Variants in EYS observed in about 807,000 individuals in gnomAD.
The protein encoded by EYS is protein eyes shut homolog.
A neutral mutation model predicts 282.1 loss-of-function variants in EYS; 250 were observed. The ratio of observed to expected loss-of-function variants is 0.89; its 90% CI spans 0.80 to 0.98. EYS has a LOEUF of 0.98. Among genes scored for constraint, EYS ranks in the 50% least tolerant of loss-of-function variants. EYS has a pLI of 0.00. For synonymous variants in EYS, 1,355 were observed against 1,282.9 expected, an observed-to-expected ratio of 1.06 and a Z score of -1.20; for missense variants, 4,016 against 3,709.0, an observed-to-expected ratio of 1.08 and a Z score of -2.15.
chr6:64,200,177 G>A (rs1486014474), intron 31 of EYS, among the ~76,000 whole-genome samples: 1 of 152,120 alleles, frequency 6.6e-6, no homozygotes, highest in Non-Finnish European at 1.5e-5. Flanking sequence ...GGCTTACAGG[G>A]AAATGGGAAG....
intron 22 of EYS, among the ~76,000 whole-genome samples, chr6:64,770,980 A>G (rs1773507588): frequency 6.6e-6 from 1 of 151,842 alleles, no homozygotes; most frequent in Non-Finnish European, 1.5e-5. Flanking sequence ...GCCAAATACA[A>G]TTGTTTTAAC....
chr6:64,293,848 T>A (rs964257100), intron 30 of EYS, among the ~76,000 whole-genome samples: 3 of 152,142 alleles, frequency 2.0e-5, no homozygotes, highest in African/African-American at 7.2e-5. Context: ...TTAGATTACA[T>A]GTGAGTGCTT....
chr6:64,869,683 C>G (rs557517503), intron 19 of EYS, among the ~76,000 whole-genome samples: 28 of 151,516 alleles, frequency 1.8e-4, no homozygotes, highest in African/African-American at 6.5e-4. Context: ...AGCAGCAGCT[C>G]GTGAACTTGC....
chr6:64,408,519 C>T (rs1773792861), intron 28 of EYS, among the ~76,000 whole-genome samples: 1 of 152,144 alleles, frequency 6.6e-6, no homozygotes, highest in South Asian at 2.1e-4. Flanking sequence ...GATTCCAAGA[C>T]TTGAGCCCCA....
intron 39 of EYS, among the ~76,000 whole-genome samples, chr6:63,783,464 T>A (rs10944026): frequency 0.25 from 38,050 of 152,158 alleles, 5,041 homozygotes; most frequent in Admixed American, 0.34. Flanking sequence ...GTCACAAGCA[T>A]GTATTATGTG....
At chr6:64,805,071 T>C (rs1377976751) in intron 22 of EYS, among the ~76,000 whole-genome samples, 2 of 152,162 alleles carry the variant, frequency 1.3e-5, no homozygotes, top group Admixed American at 1.3e-4. Flanking sequence ...CTTTTTAAAA[T>C]TTTAATCTTA....
At chr6:64,211,647 T>A (rs1194731909) in intron 31 of EYS, among the ~76,000 whole-genome samples, 1 of 146,844 alleles carries the variant, frequency 6.8e-6, no homozygotes, top group Non-Finnish European at 1.5e-5. Context: ...AAAATTTAAT[T>A]TTGCTAAAAT....
intron 26 of EYS, among the ~76,000 whole-genome samples, chr6:64,450,241 A>G (rs1233561333): frequency 1.3e-5 from 2 of 152,170 alleles, no homozygotes; most frequent in Non-Finnish European, 2.9e-5. Context: ...TAAACCAACA[A>G]AGATCAAAAG....
intron 19 of EYS, among the ~76,000 whole-genome samples, chr6:64,873,436 A>T (rs1448447941): frequency 6.6e-6 from 1 of 152,056 alleles, no homozygotes; most frequent in African/African-American, 2.4e-5. Context: ...CAGAGGAAAG[A>T]ATCCTTTCAA....
intron 12 of EYS, among the ~76,000 whole-genome samples, chr6:65,153,342 A>C (rs1248732003): frequency 3.4e-5 from 5 of 147,986 alleles, no homozygotes; most frequent in African/African-American, 1.3e-4. Context: ...CTTCTTACCC[A>C]CAGAAATTCA....
At chr6:65,221,816 C>A (rs1194069524) in intron 12 of EYS, among the ~76,000 whole-genome samples, 1 of 152,156 alleles carries the variant, frequency 6.6e-6, no homozygotes, top group Non-Finnish European at 1.5e-5. Flanking sequence ...GGGGGCTGTA[C>A]CCTGCAAAGC....
At chr6:64,181,347 A>C (rs1220053042) in intron 31 of EYS, among the ~76,000 whole-genome samples, 1 of 152,130 alleles carries the variant, frequency 6.6e-6, no homozygotes, top group Non-Finnish European at 1.5e-5. Context: ...TACACTATTT[A>C]ATAAAAATAA....
intron 31 of EYS, among the ~76,000 whole-genome samples, chr6:64,110,201 A>G (rs1236842701): frequency 1.3e-5 from 2 of 151,714 alleles, no homozygotes; most frequent in Non-Finnish European, 2.9e-5. Context: ...CATGGAGGAA[A>G]TTTAAAGGCT....
At chr6:64,339,421 ACT>A (rs1771002632) in intron 29 of EYS, among the ~76,000 whole-genome samples, 1 of 151,974 alleles carries the variant, frequency 6.6e-6, no homozygotes. Context: ...TTAAAACCAC[ACT>A]GTGTTATCAC....
At chr6:64,826,052 C>T (rs1765047506) in intron 19 of EYS, among the ~76,000 whole-genome samples, 1 of 151,794 alleles carries the variant, frequency 6.6e-6, no homozygotes, top group Admixed American at 6.6e-5. Flanking sequence ...TGGCTAAAGT[C>T]TCAGTCTCAG....
intron 29 of EYS, among the ~76,000 whole-genome samples, chr6:64,344,153 T>C (rs566998885): frequency 1.1e-3 from 171 of 152,268 alleles, no homozygotes; most frequent in Non-Finnish European, 2.0e-3. Context: ...TAGCATTCCT[T>C]CTGAAACTAT....
chr6:64,962,350 T>A (rs878954708), intron 14 of EYS, among the ~76,000 whole-genome samples: 8 of 152,274 alleles, frequency 5.3e-5, no homozygotes, highest in Middle Eastern at 3.4e-3. Flanking sequence ...ATCTAATTTA[T>A]CTATGTATCT....
At chr6:63,913,881 G>T (rs571774901) in intron 35 of EYS, among the ~76,000 whole-genome samples, 1 of 152,102 alleles carries the variant, frequency 6.6e-6, no homozygotes, top group African/African-American at 2.4e-5. Context: ...CCTACATCAA[G>T]TCTATCAATG....
intron 12 of EYS, among the ~76,000 whole-genome samples, chr6:65,187,057 C>T (rs1246380989): frequency 1.3e-5 from 2 of 151,754 alleles, no homozygotes; most frequent in African/African-American, 4.8e-5. Flanking sequence ...GTTGTATACT[C>T]AAGTTTAGAC....
Sources: gnomAD v4.1 joint callset for allele counts (sites outside exome capture counted in the v4.1 genomes callset) on GRCh38, gnomAD v4.1.1 for gene constraint, MANE v1.5 for transcripts, NCBI Gene and HGNC (gene_info 2026-07-23, HGNC 2026-07-21) for gene names.